The following UBAP2 variants were observed in gnomAD, a reference collection of about 807,000 sequenced individuals.
UBAP2 encodes ubiquitin associated protein 2.
UBAP2 carries 75 observed loss-of-function variants against 139.6 expected under a neutral mutation model. That is an observed-to-expected ratio of 0.54 (90% CI 0.45 to 0.65). UBAP2 has a LOEUF of 0.65. Among genes scored for constraint, UBAP2 ranks in the 30% least tolerant of loss-of-function variants. The pLI, the probability that UBAP2 is intolerant of heterozygous loss-of-function variation, is 0.00. For missense variants in UBAP2, 1,368 were observed against 1,369.6 expected, an observed-to-expected ratio of 1.00 and a Z score of 0.02; for synonymous variants, 526 against 526.2, an observed-to-expected ratio of 1.00 and a Z score of 0.01.
intron 8 of UBAP2, chr9:33,968,201 G>T: frequency 1.6e-6 from 1 of 615,416 alleles, no homozygotes; most frequent in East Asian, 4.0e-5. Context: ...TGGTGCATTC[G>T]ATTGGTACAG....
At chr9:34,014,093 G>T (rs765967691) in intron 2 of UBAP2, among the ~76,000 whole-genome samples, 3 of 151,720 alleles carry the variant, frequency 2.0e-5, no homozygotes, top group South Asian at 2.1e-4. Flanking sequence ...GAGATCAAGG[G>T]GGGGACAGAT....
intron 7 of UBAP2, 95 bp downstream of exon 7, chr9:33,973,088 C>CA (rs1828030898): frequency 9.4e-7 from 1 of 1,065,704 alleles, no homozygotes; most frequent in Non-Finnish European, 1.4e-6. Flanking sequence ...CTAGATTCAC[C>CA]ATGATGACTA....
chr9:33,969,215 CTT>C lies in UBAP2; in HGVS notation c.679+2434_679+2435del, dbSNP rs1173805573. ...TTTATGTGAACCTATATTTTCCTTT[CTT>C]TTGGGTATGCATCTAGGAGTTGATT... is the stretch of plus-strand genomic sequence containing the variant. On this transcript the variant is annotated intron_variant, in intron 8 of 28. Transcript: ENST00000379238. 3.9e-5 allele frequency among the ~76,000 whole-genome samples: 6 copies of C among 152,104 alleles called. 1 individual carries two copies. The East Asian group carries it at 7.7e-4, about 20-fold the overall frequency.
intron 1 of UBAP2, among the ~76,000 whole-genome samples, chr9:34,035,919 A>T (rs1826326622): frequency 6.6e-6 from 1 of 151,292 alleles, no homozygotes; most frequent in African/African-American, 2.4e-5. Flanking sequence ...AGTGGGGGAA[A>T]TCGCTTGAGC....
chr9:33,934,167 A>G lies in UBAP2; in HGVS notation c.1970-539T>C, dbSNP rs139046885. 19 of 158,180 alleles carry G rather than the reference A, an allele frequency of 1.2e-4. No homozygotes were observed. In the East Asian group the frequency reaches 3.2e-3, roughly 27 times the overall value. The allele number at this position is 158,180 out of a possible 1,614,324, so 9.8% of individuals were successfully genotyped here. On this transcript the variant is annotated intron_variant, in intron 17 of 28. Coordinates refer to ENST00000379238, the MANE Select transcript of UBAP2 (RefSeq NM_001370062.2). ...ACAGACACCTAACATCTGCAGTCCA[A>G]CTGTCCAACACCTACTTCCAAATGC...
At chr9:33,988,921 G>C (rs72727392) in intron 5 of UBAP2, 52 bp downstream of exon 5, 19 of 1,564,192 alleles carry the variant, frequency 1.2e-5, no homozygotes, top group Non-Finnish European at 1.6e-5. Context: ...GAGGCGGGAG[G>C]GTCACTTGAG....
intron 22 of UBAP2, among the ~76,000 whole-genome samples, chr9:33,925,085 G>C (rs925784542): frequency 6.6e-6 from 1 of 152,100 alleles, no homozygotes; most frequent in African/African-American, 2.4e-5. Context: ...GTGGAGCTTC[G>C]TGGAGGAGGG....
In UBAP2 at chr9:34,007,403, G is replaced by A. The variant is rs192837915; in HGVS notation, c.100-8539C>T. ...CCCAGCTACCCGAGAGGCTGAGGCA[G>A]AAGGATCTCTTGAGCCTAGGGGGGT... is the stretch of plus-strand genomic sequence containing the variant. On this transcript the variant is annotated intron_variant, in intron 2 of 28. Coordinates refer to ENST00000379238, the MANE Select transcript of UBAP2 (RefSeq NM_001370062.2). 5.9e-5 allele frequency among the ~76,000 whole-genome samples: 9 copies of A among 151,636 alleles called. No individual in the cohort carries two copies. The East Asian group carries it at 1.7e-3, about 29-fold the overall frequency.
intron 1 of UBAP2, among the ~76,000 whole-genome samples, chr9:34,044,364 G>A (rs1039479747): frequency 6.6e-6 from 1 of 151,428 alleles, no homozygotes; most frequent in Non-Finnish European, 1.5e-5. Flanking sequence ...TAGCGCCACT[G>A]CACTCCAGCC....
intron 6 of UBAP2, among the ~76,000 whole-genome samples, chr9:33,978,463 ATAAT>A (rs1182954279): frequency 6.6e-6 from 1 of 152,134 alleles, no homozygotes; most frequent in Non-Finnish European, 1.5e-5. Flanking sequence ...TATTCATGCA[ATAAT>A]TAGTTTTAAA....
intron 2 of UBAP2, among the ~76,000 whole-genome samples, chr9:34,008,302 G>A (rs976509407): frequency 8.9e-5 from 12 of 135,144 alleles, no homozygotes; most frequent in Non-Finnish European, 1.7e-4. Context: ...TGGGCAACAA[G>A]AGCGAAACTC....
At chr9:33,969,188 A>T (rs1827703270) in intron 8 of UBAP2, among the ~76,000 whole-genome samples, 1 of 152,096 alleles carries the variant, frequency 6.6e-6, no homozygotes, top group Non-Finnish European at 1.5e-5. Flanking sequence ...TTTGTACAAG[A>T]TTTTATGTGA....
Position 33,923,049 on chromosome 9 carries a change from G to A in UBAP2, c.3005-16C>T. 6.2e-7 allele frequency: 1 copy of A among 1,614,086 alleles called. No individual in the cohort carries two copies. The highest frequency in any genetic ancestry group is 8.5e-7 in the Non-Finnish European group (1 of 1,179,958). On this transcript the variant is annotated splice_polypyrimidine_tract_variant and intron_variant, in intron 26 of 28. Transcript: ENST00000379238. ...ACTGATACTCCTAGGAGGAAAAGCAGTTGTTCCCCACAGCAGTTGTTCCCA... is the reference window on the plus strand; with the variant it reads ...ACTGATACTCCTAGGAGGAAAAGCAATTGTTCCCCACAGCAGTTGTTCCCA...
chr9:33,996,531 G>T, intron 3 of UBAP2, 198 bp from the exon 4 acceptor site: 1 of 494,950 alleles, frequency 2.0e-6, no homozygotes, highest in African/African-American at 2.0e-5. Context: ...AACACTGGTA[G>T]AATCTAACTA....
chr9:34,022,836 C>T (rs1292118223), intron 1 of UBAP2, among the ~76,000 whole-genome samples: 2 of 152,118 alleles, frequency 1.3e-5, no homozygotes, highest in Non-Finnish European at 2.9e-5. Context: ...TACCACAAAA[C>T]CTTTTTAAGA....
At position 33,922,440 on chromosome 9, in the gene UBAP2, C is replaced by G. The variant is rs771760254; in HGVS notation, c.*64G>C. On this transcript the variant is annotated 3_prime_UTR_variant, in exon 29 of 29. Coordinates refer to ENST00000379238, the MANE Select transcript of UBAP2 (RefSeq NM_001370062.2). ...GGAAAGGGCACTGGGCTCCCAAATA[C>G]GTGCTCGTGTGTTCTCTCCTGCCCA... The G allele has an allele frequency of 9.9e-6, 15 of 1,515,204 alleles. No individual in the cohort carries two copies. The highest frequency in any genetic ancestry group is 1.4e-5 in the African/African-American group (1 of 72,656). 93.9% of individuals were successfully genotyped at this position (1,515,204 alleles called of 1,614,324 possible).
chr9:34,012,080 A>G (rs2131254951), intron 2 of UBAP2, among the ~76,000 whole-genome samples: 1 of 152,348 alleles, frequency 6.6e-6, no homozygotes, highest in African/African-American at 2.4e-5. Flanking sequence ...ATCAGGAAGT[A>G]TACCTTTTCT....
chr9:34,043,579 C>T (rs1273997114), intron 1 of UBAP2, among the ~76,000 whole-genome samples: 1 of 77,960 alleles, frequency 1.3e-5, no homozygotes, highest in Non-Finnish European at 2.8e-5. Context: ...ACAATCATAG[C>T]TCACTGTGGC....
chr9:33,924,409 TC>T, intron 22 of UBAP2, 125 bp from the exon 23 acceptor site: 1 of 934,696 alleles, frequency 1.1e-6, no homozygotes, highest in Non-Finnish European at 1.7e-6. Flanking sequence ...GAGCCAGCAG[TC>T]CCAGGGAACG....
Sources: allele counts gnomAD v4.1 joint callset (sites outside exome capture counted in the v4.1 genomes callset), GRCh38; gene constraint gnomAD v4.1.1; transcripts MANE v1.5; gene names NCBI Gene and HGNC (gene_info 2026-07-23, HGNC 2026-07-21).